Variants in ATRNL1 observed in about 807,000 individuals in gnomAD.
ATRNL1 encodes attractin like 1, also known as attractin-like protein 1.
ATRNL1 carries 95 observed loss-of-function variants against 182.7 expected under a neutral mutation model. The ratio of observed to expected loss-of-function variants is 0.52; its 90% CI spans 0.44 to 0.62. The LOEUF (loss-of-function observed/expected upper bound fraction) is 0.62, where lower values mean the gene tolerates loss of function less well. ATRNL1 is among the 20% of genes least tolerant of loss of function. The pLI, the probability that ATRNL1 is intolerant of heterozygous loss-of-function variation, is 0.00. For synonymous variants in ATRNL1, 576 were observed against 568.3 expected, an observed-to-expected ratio of 1.01 and a Z score of -0.19; for missense variants, 1,471 against 1,679.5, an observed-to-expected ratio of 0.88 and a Z score of 2.17.
chr10:115,356,043 A>T (rs1018641989), intron 19 of ATRNL1, among the ~76,000 whole-genome samples: 11 of 152,092 alleles, frequency 7.2e-5, no homozygotes, highest in Admixed American at 4.6e-4. Context: ...CGTGTTTAAT[A>T]CTTTAATACA....
chr10:115,169,321 C>G (rs2144077337), intron 7 of ATRNL1, among the ~76,000 whole-genome samples: 2 of 151,764 alleles, frequency 1.3e-5, no homozygotes, highest in South Asian at 4.2e-4. Flanking sequence ...ATTGTCCTGC[C>G]TCAGCCTCCT....
chr10:115,293,749 G>GT (rs534351768), intron 15 of ATRNL1, among the ~76,000 whole-genome samples: 311 of 152,278 alleles, frequency 2.0e-3, no homozygotes, highest in East Asian at 5.0e-3. Context: ...GTGGTTGACA[G>GT]TTTTTTGTTT....
intron 28 of ATRNL1, among the ~76,000 whole-genome samples, chr10:115,930,645 C>T (rs1054444973): frequency 1.3e-5 from 2 of 152,180 alleles, no homozygotes; most frequent in African/African-American, 4.8e-5. Context: ...AGGCATCTCA[C>T]TCAACATTTT....
intron 14 of ATRNL1, among the ~76,000 whole-genome samples, chr10:115,282,250 TA>T (rs1258524558): frequency 7.4e-5 from 11 of 148,312 alleles, no homozygotes; most frequent in African/African-American, 2.4e-4. Context: ...TTTCTTTTTT[TA>T]TTTTTTTAAA....
chr10:115,794,072 A>C (rs541198359), intron 27 of ATRNL1, among the ~76,000 whole-genome samples: 1 of 152,316 alleles, frequency 6.6e-6, no homozygotes, highest in South Asian at 2.1e-4. Context: ...ACAAGTGTGC[A>C]TCAAACGGTT....
intron 19 of ATRNL1, among the ~76,000 whole-genome samples, chr10:115,382,941 C>T (rs1554951628): frequency 6.6e-6 from 1 of 151,806 alleles, no homozygotes; most frequent in Admixed American, 6.6e-5. Context: ...TGTTTTGGGA[C>T]TCTTAATTTC....
intron 24 of ATRNL1, among the ~76,000 whole-genome samples, chr10:115,494,183 T>G (rs76115695): frequency 0.032 from 4,822 of 152,272 alleles, 248 homozygotes; most frequent in African/African-American, 0.11. Context: ...CATCATGATT[T>G]TGTATCCTGA....
At chr10:115,614,349 G>C (rs782440200) in intron 26 of ATRNL1, among the ~76,000 whole-genome samples, 9 of 151,760 alleles carry the variant, frequency 5.9e-5, no homozygotes, top group Non-Finnish European at 8.8e-5. Context: ...CACGTTATTT[G>C]TTTCTAGTTT....
At chr10:115,482,552 A>C (rs1554974351) in intron 24 of ATRNL1, among the ~76,000 whole-genome samples, 1 of 106,534 alleles carries the variant, frequency 9.4e-6, no homozygotes, top group African/African-American at 2.6e-5. Flanking sequence ...AAACAAATAT[A>C]ATAATTTTTA....
At chr10:115,194,407 A>T (rs1848281206) in intron 8 of ATRNL1, among the ~76,000 whole-genome samples, 1 of 151,978 alleles carries the variant, frequency 6.6e-6, no homozygotes, top group Admixed American at 6.6e-5. Flanking sequence ...TTGTTCTATC[A>T]TCTTGCTGAA....
chr10:115,340,607 A>G (rs534652601), intron 19 of ATRNL1, among the ~76,000 whole-genome samples: 2 of 149,464 alleles, frequency 1.3e-5, no homozygotes, highest in African/African-American at 2.5e-5. Context: ...GATTGGTATT[A>G]GTTCTGCTTT....
intron 27 of ATRNL1, among the ~76,000 whole-genome samples, chr10:115,741,572 A>C (rs1555067679): frequency 6.6e-6 from 1 of 152,196 alleles, no homozygotes; most frequent in African/African-American, 2.4e-5. Context: ...TTTTATGATT[A>C]ATTTTAGAAA....
At chr10:115,774,709 T>C (rs1464421247) in intron 27 of ATRNL1, among the ~76,000 whole-genome samples, 3 of 152,180 alleles carry the variant, frequency 2.0e-5, no homozygotes, top group East Asian at 3.9e-4. Flanking sequence ...TCCCTCTTCA[T>C]CTTTTGTTGA....
At chr10:115,683,426 T>C (rs782528246) in intron 26 of ATRNL1, among the ~76,000 whole-genome samples, 3 of 151,992 alleles carry the variant, frequency 2.0e-5, no homozygotes, top group Admixed American at 2.0e-4. Flanking sequence ...GAAAGCATTA[T>C]TTCTACCTTC....
intron 26 of ATRNL1, among the ~76,000 whole-genome samples, chr10:115,604,947 A>G (rs959610655): frequency 6.6e-6 from 1 of 152,114 alleles, no homozygotes; most frequent in African/African-American, 2.4e-5. Context: ...TATGTTACCA[A>G]AGATATTTAT....
At chr10:115,393,034 G>A (rs927049599) in intron 19 of ATRNL1, among the ~76,000 whole-genome samples, 2 of 152,082 alleles carry the variant, frequency 1.3e-5, no homozygotes, top group Admixed American at 6.6e-5. Context: ...ACCCACAGCA[G>A]ACTCTTCAAA....
In ATRNL1 at chr10:115,815,557, C is replaced by T. The variant is rs530184992; in HGVS notation, c.3904-32320C>T. ...GAAGCTTAACAAACATCCAAAAACA[C>T]TAACCTAACTGGAAAATACTCTACC... On this transcript the variant is annotated intron_variant, in intron 27 of 28. Transcript: ENST00000355044. Among the ~76,000 whole-genome samples the T allele has an allele frequency of 5.9e-5, 9 of 152,114 alleles. No homozygotes were observed. The South Asian group carries it at 1.7e-3, about 28-fold the overall frequency.
In ATRNL1 at chr10:115,173,783, C is replaced by T. The variant is rs1453797616; in HGVS notation, c.1348+2491C>T. ...CCCTTGTTTTGTTTTTTTGGTCAGTCTTTTCCTAGTATACCTTTGCTCATC... is the reference window on the plus strand; with the variant it reads ...CCCTTGTTTTGTTTTTTTGGTCAGTTTTTTCCTAGTATACCTTTGCTCATC... On this transcript the variant is annotated intron_variant, in intron 8 of 28. Transcript: ENST00000355044. Among the ~76,000 whole-genome samples the T allele has an allele frequency of 2.0e-5, 3 of 151,282 alleles. No homozygotes were observed. The East Asian group carries it at 5.8e-4, about 29-fold the overall frequency.
chr10:115,571,793 TAAAC>T (rs1176234943), intron 26 of ATRNL1, among the ~76,000 whole-genome samples: 10 of 152,066 alleles, frequency 6.6e-5, no homozygotes, highest in African/African-American at 2.4e-4. Context: ...CTATTCCTAA[TAAAC>T]TAATATTTCT....
Sources: allele counts gnomAD v4.1 joint callset (sites outside exome capture counted in the v4.1 genomes callset), GRCh38; gene constraint gnomAD v4.1.1; transcripts MANE v1.5; gene names NCBI Gene and HGNC (gene_info 2026-07-23, HGNC 2026-07-21).